The following SPICE1 variants were observed in gnomAD, a reference collection of about 807,000 sequenced individuals.
SPICE1 encodes the protein spindle and centriole-associated protein 1.
Under a neutral mutation model 102.7 loss-of-function variants are expected in SPICE1, and 75 were observed. The ratio of observed to expected loss-of-function variants is 0.73; its 90% CI spans 0.61 to 0.88. The LOEUF (loss-of-function observed/expected upper bound fraction) is 0.88, where lower values mean the gene tolerates loss of function less well. Among genes scored for constraint, SPICE1 ranks in the 40% least tolerant of loss-of-function variants. SPICE1 has a pLI of 0.00. For synonymous variants in SPICE1, 308 were observed against 350.3 expected, an observed-to-expected ratio of 0.88 and a Z score of 1.35; for missense variants, 979 against 1,020.1, an observed-to-expected ratio of 0.96 and a Z score of 0.55.
At chr3:113,498,596 T>A (rs1936946532) in intron 4 of SPICE1, among the ~76,000 whole-genome samples, 1 of 152,230 alleles carries the variant, frequency 6.6e-6, no homozygotes, top group Non-Finnish European at 1.5e-5. Context: ...CATGTAAACA[T>A]TTATTTGGGA....
intron 7 of SPICE1, among the ~76,000 whole-genome samples, chr3:113,488,389 A>G (rs1936692099): frequency 6.6e-6 from 1 of 152,252 alleles, no homozygotes; most frequent in African/African-American, 2.4e-5. Flanking sequence ...AATGTGGTAT[A>G]GACACACCAT....
intron 7 of SPICE1, among the ~76,000 whole-genome samples, chr3:113,476,785 C>A (rs1936361042): frequency 6.7e-6 from 1 of 149,434 alleles, no homozygotes; most frequent in South Asian, 2.1e-4. Flanking sequence ...AAAATCAATT[C>A]AAGATGGATT....
chr3:113,499,504 T>C lies in SPICE1; in HGVS notation c.226A>G (p.Lys76Glu), dbSNP rs1315988288. ...GTTTCTGGTTTCTGCTTCCTCCATT[T>C]TCTCTTCAAAGCTTTTTCTTGGAGT... ...WELQEKALKR[K>E]WRKQKPETLN... The change falls in exon 4 of 18, where the codon AAA (lysine) becomes GAA (glutamate). Residue 76 changes from lysine (K) to glutamate (E), a missense_variant. Transcript: ENST00000295872. 6.2e-7 allele frequency: 1 copy of C among 1,613,344 alleles called. No homozygotes were observed. The highest frequency in any genetic ancestry group is 2.2e-5 in the East Asian group (1 of 44,838).
chr3:113,502,745 G>A (rs1363520160), intron 3 of SPICE1, among the ~76,000 whole-genome samples: 1 of 147,424 alleles, frequency 6.8e-6, no homozygotes. Flanking sequence ...AGTAAGGTAA[G>A]ATTTGAACGG....
intron 1 of SPICE1, among the ~76,000 whole-genome samples, chr3:113,507,554 C>T (rs1025715590): frequency 6.6e-6 from 1 of 151,866 alleles, no homozygotes; most frequent in Non-Finnish European, 1.5e-5. Flanking sequence ...TAAGAGTTTG[C>T]CCTCAATCTT....
At chr3:113,502,583 T>C (rs1937029507) in intron 3 of SPICE1, among the ~76,000 whole-genome samples, 1 of 148,684 alleles carries the variant, frequency 6.7e-6, no homozygotes, top group Non-Finnish European at 1.5e-5. Flanking sequence ...TGCACAACTC[T>C]GAATATACCA....
rs191982553 is a variant in SPICE1 at position 113,465,505 on chromosome 3, C to G, written c.1287+148G>C. On this transcript the variant is annotated intron_variant, in intron 11 of 17. Coordinates refer to ENST00000295872, the MANE Select transcript of SPICE1 (RefSeq NM_144718.4). ...ATAGTACTTCCATGTAATAAATGTT[C>G]AATAATACCTGCCACTGATGATAAA... The G allele has an allele frequency of 1.3e-4, 88 of 660,410 alleles. No homozygotes were observed. In the East Asian group the frequency reaches 2.2e-3, roughly 17 times the overall value. 40.9% of individuals were successfully genotyped at this position (660,410 alleles called of 1,614,324 possible).
intron 7 of SPICE1, among the ~76,000 whole-genome samples, chr3:113,470,021 G>C (rs895183886): frequency 1.3e-5 from 2 of 152,148 alleles, no homozygotes; most frequent in Admixed American, 6.5e-5. Flanking sequence ...CAGTTTAGGG[G>C]TTAGTAATTA....
chr3:113,453,639 T>C lies in SPICE1; in HGVS notation c.1969A>G (p.Arg657Gly), dbSNP rs771833912. Residue 657 changes from arginine to glycine, a missense_variant, in exon 14 of 18, where the codon AGA becomes GGA. Coordinates refer to ENST00000295872, the MANE Select transcript of SPICE1 (RefSeq NM_144718.4). The stretch of plus-strand genomic sequence containing the variant: ...CTTTGTATTAATGACTCATTTGTTC[T>C]CAGCTGCTGCCCATCTCCCAGTACT... ...LPVLGDGQQL[R>G]TNESLIQRKD... is the part of the protein sequence containing the mutation. 1.2e-6 allele frequency: 2 copies of C among 1,614,192 alleles called. No individual in the cohort carries two copies. The highest frequency in any genetic ancestry group is 3.3e-5 in the Admixed American group (2 of 60,030).
intron 15 of SPICE1, 92 bp from the exon 16 acceptor site, chr3:113,448,232 A>C: frequency 8.7e-7 from 1 of 1,152,440 alleles, no homozygotes; most frequent in Non-Finnish European, 1.2e-6. Context: ...GCACATTAAA[A>C]ATTTGGTGGT....
chr3:113,469,977 A>G (rs1936157572), intron 7 of SPICE1, among the ~76,000 whole-genome samples: 1 of 152,216 alleles, frequency 6.6e-6, no homozygotes, highest in Non-Finnish European at 1.5e-5. Context: ...CCTGTGTGTC[A>G]GGGAGGGGCT....
At chr3:113,448,000 A>ATT in intron 16 of SPICE1, 38 bp downstream of exon 16, 9 of 1,313,200 alleles carry the variant, frequency 6.9e-6, no homozygotes, top group South Asian at 4.3e-5. Flanking sequence ...ATTCTTTTTG[A>ATT]TTTTTTTTTT....
chr3:113,465,904 G>T, intron 10 of SPICE1, 120 bp from the exon 11 acceptor site: 1 of 865,390 alleles, frequency 1.2e-6, no homozygotes, highest in African/African-American at 1.7e-5. Flanking sequence ...TGACAGTAAT[G>T]ATGAAGAGTT....
chr3:113,502,662 TA>T (rs35248720), intron 3 of SPICE1, among the ~76,000 whole-genome samples: 27,266 of 87,006 alleles, frequency 0.31, 3,541 homozygotes, highest in East Asian at 0.44. Flanking sequence ...CAATAAATCT[TA>T]AAAAAAAAAA....
chr3:113,490,350 T>C (rs1298076931), intron 6 of SPICE1, among the ~76,000 whole-genome samples: 1 of 152,196 alleles, frequency 6.6e-6, no homozygotes, highest in African/African-American at 2.4e-5. Flanking sequence ...CTATAAGATA[T>C]CTCTATTCTG....
intron 7 of SPICE1, among the ~76,000 whole-genome samples, chr3:113,481,451 A>T (rs945980825): frequency 1.3e-5 from 2 of 151,232 alleles, no homozygotes; most frequent in Non-Finnish European, 2.9e-5. Flanking sequence ...GTTCTGGGGT[A>T]TATGTGCAGA....
chr3:113,492,240 G>A (rs72946749), intron 6 of SPICE1, among the ~76,000 whole-genome samples: 3,142 of 152,208 alleles, frequency 0.021, 113 homozygotes, highest in African/African-American at 0.071. Flanking sequence ...GCCTTTGGAA[G>A]TATGAAACAA....
intron 7 of SPICE1, among the ~76,000 whole-genome samples, chr3:113,487,747 G>A (rs1018643638): frequency 2.0e-5 from 3 of 152,150 alleles, no homozygotes; most frequent in Admixed American, 2.0e-4. Context: ...AAGGAACGTG[G>A]CAGACATCAC....
At chr3:113,446,190 A>G (rs1471422045) in intron 17 of SPICE1, among the ~76,000 whole-genome samples, 1 of 152,212 alleles carries the variant, frequency 6.6e-6, no homozygotes, top group Non-Finnish European at 1.5e-5. Flanking sequence ...ATAAAATGAG[A>G]GGAAAAGTGA....
Sources: allele counts gnomAD v4.1 joint callset (sites outside exome capture counted in the v4.1 genomes callset), GRCh38; gene constraint gnomAD v4.1.1; transcripts MANE v1.5; gene names NCBI Gene and HGNC (gene_info 2026-07-23, HGNC 2026-07-21).